MFSD12: variants seen among roughly 807,000 people sequenced by gnomAD.
MFSD12 encodes the protein major facilitator superfamily domain containing 12, also known as major facilitator superfamily domain-containing protein 12.
MFSD12 carries 67 observed loss-of-function variants against 51.2 expected under a neutral mutation model. The ratio of observed to expected loss-of-function variants is 1.31; its 90% CI spans 1.08 to 1.60. The LOEUF (loss-of-function observed/expected upper bound fraction) is 1.60, where lower values mean the gene tolerates loss of function less well. Ranked by LOEUF, MFSD12 falls within the 40% of genes most tolerant of loss-of-function variation. The pLI, the probability that MFSD12 is intolerant of heterozygous loss-of-function variation, is 0.00. For missense variants in MFSD12, 921 were observed against 673.0 expected, an observed-to-expected ratio of 1.37 and a Z score of -4.08; for synonymous variants, 441 against 316.7, an observed-to-expected ratio of 1.39 and a Z score of -4.17.
At chr19:3,549,626 G>GGCAGGAGAACCGCTTGAAC (rs2031348397) in intron 2 of MFSD12, among the ~76,000 whole-genome samples, 1 of 151,602 alleles carries the variant, frequency 6.6e-6, no homozygotes, top group Non-Finnish European at 1.5e-5. Flanking sequence ...GGGAGGCTGA[G>GGCAGGAGAACCGCTTGAAC]GCAGGAGAAC....
At chr19:3,552,292 C>A (rs565806577) in intron 1 of MFSD12, among the ~76,000 whole-genome samples, 8 of 151,782 alleles carry the variant, frequency 5.3e-5, no homozygotes, top group African/African-American at 1.9e-4. Context: ...CTCAGCCTCC[C>A]GAGTAGCTGG....
chr19:3,539,266 C>T (rs1238594813), downstream of MFSD12: 17 of 1,538,554 alleles, frequency 1.1e-5, no homozygotes, highest in Admixed American at 1.4e-4. Flanking sequence ...TACAGGTGAG[C>T]CCCTCCCTAC....
At chr19:3,538,789 G>C in intron 4 of MFSD12, 1 of 536,098 alleles carries the variant, frequency 1.9e-6, no homozygotes, top group Admixed American at 2.1e-5. Context: ...CTGGATGTGA[G>C]TGGGTGAGGA....
chr19:3,542,484 T>C, downstream of MFSD12: 2 of 984,410 alleles, frequency 2.0e-6, no homozygotes, highest in Non-Finnish European at 2.4e-6. Context: ...TCTTGTCTTT[T>C]TGTTTTTGAG....
chr19:3,557,097 G>A lies in MFSD12; in HGVS notation c.298+9C>T. ...GCTGCCCGACAGGTGGCGGGGCCGG[G>A]ACGCTTACCGACCAGGTGCCAGGCC... On this transcript the variant is annotated intron_variant, in intron 1 of 9. Transcript: ENST00000355415. 2 of 1,458,242 alleles carry A rather than the reference G, an allele frequency of 1.4e-6. No individual in the cohort carries two copies. Among genetic ancestry groups the A allele is most frequent in the Non-Finnish European group, 1.8e-6 (2 of 1,112,218 alleles). 90.3% of individuals were successfully genotyped at this position (1,458,242 alleles called of 1,614,324 possible). A position where few individuals can be genotyped will look rare whatever the true frequency, so the allele number is the denominator to read the frequency against.
chr19:3,539,323 G>A, downstream of MFSD12: 1 of 1,036,138 alleles, frequency 9.7e-7, no homozygotes, highest in Non-Finnish European at 1.4e-6. Flanking sequence ...CTGGGTGTCA[G>A]GTTACATGGT....
intron 1 of MFSD12, among the ~76,000 whole-genome samples, chr19:3,556,039 T>C (rs995277068): frequency 6.6e-6 from 1 of 151,686 alleles, no homozygotes; most frequent in African/African-American, 2.4e-5. Flanking sequence ...ACCTAGGGGG[T>C]CCCTGACCCT....
chr19:3,541,669 C>A, downstream of MFSD12: 1 of 985,330 alleles, frequency 1.0e-6, no homozygotes. Flanking sequence ...AGTGAATGGG[C>A]TCCCGCAAGT....
In MFSD12 at chr19:3,546,065, G is replaced by T. The variant is rs199645558; in HGVS notation, c.1289+9C>A. The T allele has an allele frequency of 3.1e-6, 5 of 1,612,640 alleles. No homozygotes were observed. The highest frequency in any genetic ancestry group is 2.2e-5 in the East Asian group (1 of 44,866). The stretch of plus-strand genomic sequence containing the variant: ...ACAAAAGAATGAATGAACGAACAGC[G>T]GCACTCACGGGCAAGGGTGCAGGCT... On this transcript the variant is annotated intron_variant, in intron 8 of 9. Transcript: ENST00000355415.
In MFSD12 at chr19:3,551,255, G is replaced by A; in HGVS notation, c.299-61C>T. ...CCGCACCAGCCAGGGCTCCCAGGGT[G>A]AGGACATGGAGGGAGGAGAGAGGGA... On this transcript the variant is annotated intron_variant, in intron 1 of 9. Coordinates refer to ENST00000355415, the MANE Select transcript of MFSD12 (RefSeq NM_174983.5). This position sits in a 1 kb window ranked among gnomAD's most constrained non-coding sequence, Gnocchi z 4.6. The A allele has an allele frequency of 7.6e-7, 1 of 1,320,658 alleles. No individual in the cohort carries two copies. Among genetic ancestry groups the A allele is most frequent in the Admixed American group, 2.4e-5 (1 of 42,266 alleles). 81.8% of individuals were successfully genotyped at this position (1,320,658 alleles called of 1,614,324 possible). A position where few individuals can be genotyped will look rare whatever the true frequency, so the allele number is the denominator to read the frequency against.
At chr19:3,542,933 C>A (rs756889613), downstream of MFSD12, 2 of 1,470,408 alleles carry the variant, frequency 1.4e-6, no homozygotes, top group African/African-American at 2.8e-5. Flanking sequence ...CAGGAGTAGC[C>A]AGGGCCCTTG....
At position 3,544,203 on chromosome 19, in the gene MFSD12, G is replaced by A. The variant is rs563170969; in HGVS notation, c.*507C>T. On this transcript the variant is annotated 3_prime_UTR_variant, in exon 10 of 10. Transcript: ENST00000355415. ...GCAGGCAGACAGGAGCCAGGCTGCCGTCATCTCTTTATTTGCTGCCAGCAG... is the reference window on the plus strand; with the variant it reads ...GCAGGCAGACAGGAGCCAGGCTGCCATCATCTCTTTATTTGCTGCCAGCAG... The A allele has an allele frequency of 3.3e-4, 445 of 1,351,658 alleles. 2 individuals carry two copies. The highest frequency in any genetic ancestry group is 3.5e-4 in the South Asian group (18 of 51,796). The allele number at this position is 1,351,658 out of a possible 1,614,324, so 83.7% of individuals were successfully genotyped here.
chr19:3,538,933 T>C, intron 4 of MFSD12: 1 of 656,696 alleles, frequency 1.5e-6, no homozygotes, highest in Non-Finnish European at 2.8e-6. Context: ...GGGGGGTGCA[T>C]AGAGCTGGGG....
chr19:3,542,402 C>G (rs181278999), downstream of MFSD12: 5,715 of 985,436 alleles, frequency 5.8e-3, 14 homozygotes, highest in Non-Finnish European at 6.5e-3. Flanking sequence ...GGCCAGCAAC[C>G]TTGTTTTCTG....
downstream of MFSD12, among the ~76,000 whole-genome samples, chr19:3,540,406 C>T (rs535233927): frequency 1.3e-3 from 192 of 151,624 alleles, 1 homozygote; most frequent in Non-Finnish European, 1.8e-3. Flanking sequence ...TACAGGCATG[C>T]GCTACCATGC....
At chr19:3,549,817 C>A (rs192602678) in intron 2 of MFSD12, among the ~76,000 whole-genome samples, 4 of 148,590 alleles carry the variant, frequency 2.7e-5, no homozygotes, top group Admixed American at 2.7e-4. Context: ...TGAGGTCAGG[C>A]GTTCAAGACC....
downstream of MFSD12, chr19:3,543,130 G>A (rs1016409237): frequency 5.3e-6 from 8 of 1,512,648 alleles, no homozygotes; most frequent in South Asian, 1.3e-5. Flanking sequence ...GAGACCCCAC[G>A]CCGTGGGCCA....
downstream of MFSD12, chr19:3,543,227 A>ACCCTCAGCGATGACTACCTGTCCC (rs772578193): frequency 1.4e-5 from 22 of 1,541,032 alleles, no homozygotes; most frequent in South Asian, 2.5e-4. Context: ...CCCCCTGCCC[A>ACCCTCAGCGATGACTACCTGTCCC]CCCTCAGCGA....
In MFSD12 at chr19:3,557,305, G is replaced by C; in HGVS notation, c.99C>G (p.Asp33Glu). The part of the protein sequence containing the change: ...LSYAVGHFLN[D>E]LCASMWFTYL... ...AGGTGAACCACATGGACGCGCACAG[G>C]TCGTTGAGGAAGTGGCCCACGGCGT... The change falls in exon 1 of 10, where the codon GAC (aspartate) becomes GAG (glutamate). Residue 33 changes from aspartate (D) to glutamate (E), a missense_variant. By Grantham distance (45) the Asp-to-Glu change is conservative. Coordinates refer to ENST00000355415, the MANE Select transcript of MFSD12 (RefSeq NM_174983.5). 13 of 1,591,820 alleles carry C rather than the reference G, an allele frequency of 8.2e-6. No homozygotes were observed. The highest frequency in any genetic ancestry group is 2.3e-5 in the East Asian group (1 of 42,994).
Sources: gnomAD v4.1 joint callset for allele counts (sites outside exome capture counted in the v4.1 genomes callset) on GRCh38, gnomAD v4.1.1 for gene constraint, Gnocchi (gnomAD v3.1) non-coding constraint, MANE v1.5 for transcripts, NCBI Gene and HGNC (gene_info 2026-07-23, HGNC 2026-07-21) for gene names.